KIF13A: variants seen among roughly 807,000 people sequenced by gnomAD.
KIF13A encodes the protein kinesin family member 13A.
A neutral mutation model predicts 212.2 loss-of-function variants in KIF13A; 79 were observed. The observed-to-expected ratio is 0.37, with a 90% CI of 0.31 to 0.45. KIF13A has a LOEUF of 0.45. Ranked by LOEUF, KIF13A falls within the 20% of genes least tolerant of loss-of-function variation. The pLI is 1.00. For missense variants in KIF13A, 1,901 were observed against 2,209.0 expected, an observed-to-expected ratio of 0.86 and a Z score of 2.79; for synonymous variants, 789 against 808.6, an observed-to-expected ratio of 0.98 and a Z score of 0.41.
intron 2 of KIF13A, among the ~76,000 whole-genome samples, chr6:17,978,629 T>C (rs1295122382): frequency 1.3e-5 from 2 of 152,234 alleles, no homozygotes; most frequent in African/African-American, 2.4e-5. Context: ...TTTAAACATA[T>C]AAACATCTTC....
chr6:17,972,484 T>C (rs1014996854), intron 2 of KIF13A, among the ~76,000 whole-genome samples: 2 of 152,210 alleles, frequency 1.3e-5, no homozygotes, highest in African/African-American at 4.8e-5. Context: ...GCCAAAGGCA[T>C]CAATTCTGAG....
chr6:17,799,568 C>A lies in KIF13A; in HGVS notation c.2617-129G>T. On this transcript the variant is annotated intron_variant, in intron 21 of 38. Coordinates refer to ENST00000259711, the MANE Select transcript of KIF13A (RefSeq NM_022113.6). This position sits in a 1 kb window ranked among gnomAD's most constrained non-coding sequence, Gnocchi z 4.4. ...CATTTGACATGTGAAAATATTATATCTGACACCGTGACACTAAGGGTTGTA... is the reference window on the plus strand; with the variant it reads ...CATTTGACATGTGAAAATATTATATATGACACCGTGACACTAAGGGTTGTA... The A allele has an allele frequency of 1.4e-6, 1 of 726,970 alleles. No individual in the cohort carries two copies. The highest frequency in any genetic ancestry group is 2.1e-5 in the South Asian group (1 of 47,480). The allele number at this position is 726,970 out of a possible 1,614,324, so 45.0% of individuals were successfully genotyped here. A position where few individuals can be genotyped will look rare whatever the true frequency, so the allele number is the denominator to read the frequency against.
chr6:17,779,236 CATATAT>C (rs149719669), intron 32 of KIF13A, 137 bp from the exon 33 acceptor site: 74 of 254,894 alleles, frequency 2.9e-4, no homozygotes, highest in Non-Finnish European at 4.0e-4. Context: ...TTTAAAGTAG[CATATAT>C]ATATATATAT....
chr6:17,841,293 G>A (rs1240297009), intron 9 of KIF13A, among the ~76,000 whole-genome samples: 2 of 151,982 alleles, frequency 1.3e-5, no homozygotes, highest in Admixed American at 1.3e-4. Context: ...TTGAACTACT[G>A]GACTCAAGGG....
Position 17,934,702 on chromosome 6 carries a change from C to T in KIF13A, c.147-36522G>A, listed in dbSNP as rs544096193. Among the ~76,000 whole-genome samples, 6 of 151,412 alleles carry T rather than the reference C, an allele frequency of 4.0e-5. No homozygotes were observed. The highest frequency in any genetic ancestry group is 5.9e-5 in the Non-Finnish European group (4 of 67,902). On this transcript the variant is annotated intron_variant, in intron 2 of 38. Transcript: ENST00000259711. The surrounding 1 kb of genome is among the most constrained non-coding windows in gnomAD (Gnocchi z 5.4). ...ACTTGGGAGGCCGAGGTGGGAGGAT[C>T]GCTTGAGCCCAGGAGGTAGAGGCTG... is the stretch of plus-strand genomic sequence containing the variant.
chr6:17,955,701 A>G (rs1778300995), intron 2 of KIF13A, among the ~76,000 whole-genome samples: 1 of 152,236 alleles, frequency 6.6e-6, no homozygotes, highest in Non-Finnish European at 1.5e-5. Context: ...ACTAAAGCAA[A>G]GAAACTGTAT....
chr6:17,832,512 C>A (rs1403442992), intron 12 of KIF13A, among the ~76,000 whole-genome samples: 2 of 151,954 alleles, frequency 1.3e-5, no homozygotes, highest in East Asian at 1.9e-4. Context: ...GTGGCACACA[C>A]CTATAGTCCT....
chr6:17,770,361 A>ATTGTTTTTTTTTTTT (rs1759379774), intron 38 of KIF13A: 1 of 119,446 alleles, frequency 8.4e-6, no homozygotes, highest in Admixed American at 9.6e-5. Context: ...AATAAACAGG[A>ATTGTTTTTTTTTTTT]TTTTTTTTTT....
chr6:17,780,897 T>G lies in KIF13A; in HGVS notation c.3679A>C (p.Thr1227Pro). 6.2e-7 allele frequency: 1 copy of G among 1,613,042 alleles called. No homozygotes were observed. ...IKHSDDEVSA[T>P]ASWDSSVHDS... ...TGCACCGAGGAATCCCAAGAGGCTG[T>G]GGCTGAAACCTAGGAGTTGGGGAAT... Residue 1227 changes from threonine (T) to proline (P), a missense_variant, in exon 31 of 39, where the codon ACA becomes CCA. Physicochemically the swap from Thr to Pro is conservative, Grantham distance 38. This residue lies in a region of KIF13A where 687 missense variants were observed against 759.1 expected (regional missense o/e 0.90). Transcript: ENST00000259711.
downstream of KIF13A, chr6:17,760,006 A>T (rs1758516548): frequency 6.6e-6 from 1 of 152,266 alleles, no homozygotes; most frequent in Non-Finnish European, 1.5e-5. Context: ...GTCAACAGTT[A>T]TAATACAATG....
At chr6:17,846,942 T>C (rs919287945) in intron 9 of KIF13A, among the ~76,000 whole-genome samples, 4 of 152,204 alleles carry the variant, frequency 2.6e-5, no homozygotes, top group East Asian at 1.9e-4. Flanking sequence ...ACTTAGAACT[T>C]GGTGACCTGG....
At position 17,849,369 on chromosome 6, in the gene KIF13A, C is replaced by A. The variant is rs1421195153; in HGVS notation, c.830+8G>T. ...TCACCCAGGCTGTTCTGGGACCAGC[C>A]ACCTTACTTGTTAATGTTGCTGCCT... On this transcript the variant is annotated splice_region_variant and intron_variant, in intron 9 of 38. Transcript: ENST00000259711. The surrounding 1 kb of genome is among the most constrained non-coding windows in gnomAD (Gnocchi z 5.7). 6.3e-7 allele frequency: 1 copy of A among 1,597,158 alleles called. No homozygotes were observed. Among genetic ancestry groups the A allele is most frequent in the Non-Finnish European group, 8.6e-7 (1 of 1,166,700 alleles).
Position 17,873,329 on chromosome 6 carries a change from A to G in KIF13A, c.220+48T>C, listed in dbSNP as rs41267728. The stretch of plus-strand genomic sequence containing the variant: ...AATTAAAGAAAATAAACTCAATGGA[A>G]GAAGAGGCCAGAAGCCCAACTGTCA... On this transcript the variant is annotated intron_variant, in intron 4 of 38. Transcript: ENST00000259711. 3.2e-6 allele frequency: 4 copies of G among 1,260,578 alleles called. No individual in the cohort carries two copies. The East Asian group carries it at 9.8e-5, about 31-fold the overall frequency. 78.1% of individuals were successfully genotyped at this position (1,260,578 alleles called of 1,614,324 possible).
In KIF13A at chr6:17,781,190, T is replaced by C. The variant is rs1485839101; in HGVS notation, c.3656A>G (p.His1219Arg). 6.2e-7 allele frequency: 1 copy of C among 1,613,856 alleles called. No individual in the cohort carries two copies. Among genetic ancestry groups the C allele is most frequent in the Admixed American group, 1.7e-5 (1 of 60,000 alleles). Residue 1219 changes from histidine (H) to arginine (R), a missense_variant, in exon 30 of 39, where the codon CAC becomes CGC. Transcript: ENST00000259711. ...GGGGTTAATTACCTCATCATCACTG[T>C]GCTTTATGATGGGCAGGTAGAAAAA... ...SQFFYLPIIK[H>R]SDDEVSATAS...
At chr6:17,922,242 A>G (rs2150522508) in intron 2 of KIF13A, among the ~76,000 whole-genome samples, 1 of 152,340 alleles carries the variant, frequency 6.6e-6, no homozygotes, top group African/African-American at 2.4e-5. Context: ...AGAAATGAGA[A>G]CATCTAGTAT....
intron 38 of KIF13A, chr6:17,770,340 C>T (rs1759375160): frequency 7.2e-6 from 1 of 139,568 alleles, no homozygotes; most frequent in Non-Finnish European, 1.5e-5. Context: ...AGAATTCTTT[C>T]CAGGCTTGAG....
chr6:17,828,515 T>A lies in KIF13A; in HGVS notation c.1402-145A>T. The A allele has an allele frequency of 1.6e-6, 1 of 644,700 alleles. No individual in the cohort carries two copies. The highest frequency in any genetic ancestry group is 2.5e-6 in the Non-Finnish European group (1 of 404,794). 39.9% of individuals were successfully genotyped at this position (644,700 alleles called of 1,614,324 possible). A position where few individuals can be genotyped will look rare whatever the true frequency, so the allele number is the denominator to read the frequency against. ...CAGAGATGTTAAATATCTTAAGCAT[T>A]AAAAGTAAAACGCTTACCCTTAATA... On this transcript the variant is annotated intron_variant, in intron 13 of 38. Transcript: ENST00000259711. This position sits in a 1 kb window ranked among gnomAD's most constrained non-coding sequence, Gnocchi z 4.3.
intron 25 of KIF13A, among the ~76,000 whole-genome samples, chr6:17,792,022 T>C (rs1272689086): frequency 6.6e-6 from 1 of 151,088 alleles, no homozygotes. Context: ...GCCAACATGA[T>C]GAAACCCCTA....
At chr6:17,807,515 G>T (rs141847662) in intron 18 of KIF13A, among the ~76,000 whole-genome samples, 1 of 151,960 alleles carries the variant, frequency 6.6e-6, no homozygotes, top group Admixed American at 6.6e-5. Flanking sequence ...CTCTGCTCTC[G>T]AACCCTGTTT....
Sources: allele counts gnomAD v4.1 joint callset (sites outside exome capture counted in the v4.1 genomes callset), GRCh38; gene constraint gnomAD v4.1.1; regional missense constraint gnomAD v4.1.1; non-coding constraint Gnocchi (gnomAD v3.1); transcripts MANE v1.5; gene names NCBI Gene and HGNC (gene_info 2026-07-23, HGNC 2026-07-21).